ESR2: variants seen among roughly 807,000 people sequenced by gnomAD.
ESR2 encodes estrogen receptor 2.
Under a neutral mutation model 49.6 loss-of-function variants are expected in ESR2, and 36 were observed. That is an observed-to-expected ratio of 0.73 (90% CI 0.56 to 0.96). The LOEUF is 0.96. ESR2 is among the 40% of genes least tolerant of loss of function. The probability of loss-of-function intolerance (pLI) is 0.00; values close to 1 mark genes in which losing one functional copy is unlikely to be tolerated. For synonymous variants in ESR2, 320 were observed against 266.1 expected, an observed-to-expected ratio of 1.20 and a Z score of -1.97; for missense variants, 714 against 693.0, an observed-to-expected ratio of 1.03 and a Z score of -0.34.
At chr14:64,235,289 G>A in intron 7 of ESR2, 139 bp from the exon 8 acceptor site, 3 of 815,660 alleles carry the variant, frequency 3.7e-6, no homozygotes, top group South Asian at 3.7e-5. Flanking sequence ...TTATAAGCAT[G>A]GTCTTACCTC....
chr14:64,310,365 T>C (rs1381770422), intron 1 of ESR2, among the ~76,000 whole-genome samples: 1 of 151,510 alleles, frequency 6.6e-6, no homozygotes, highest in African/African-American at 2.4e-5. Context: ...ATAAGCTCAA[T>C]ATTGTCATCA....
chr14:64,274,371 C>T (rs2076514019), intron 3 of ESR2, among the ~76,000 whole-genome samples: 1 of 152,104 alleles, frequency 6.6e-6, no homozygotes. Context: ...TCCATTTCTT[C>T]TAGGTTTTCC....
rs1180738011 is a variant in ESR2, at chr14:64,229,014, G to A, written c.*4123C>T. Among the ~76,000 whole-genome samples, 1 of 152,208 alleles carries A rather than the reference G, an allele frequency of 6.6e-6. No individual in the cohort carries two copies. The highest frequency in any genetic ancestry group is 2.4e-5 in the African/African-American group (1 of 41,450). ...TGCCTAAAAGATGTGAATTTTACAT[G>A]AGTACACTTCCAAGGAACATATTCC... On this transcript the variant is annotated 3_prime_UTR_variant, in exon 9 of 9. Coordinates refer to ENST00000341099, the MANE Select transcript of ESR2 (RefSeq NM_001437.3).
downstream of ESR2, chr14:64,227,477 C>G (rs928554): frequency 6.4e-7 from 1 of 1,569,366 alleles, no homozygotes; most frequent in Non-Finnish European, 8.7e-7. Context: ...CAGAGGGAAA[C>G]TGAAGTGAAA....
chr14:64,246,728 C>A (rs1049927803), intron 7 of ESR2, among the ~76,000 whole-genome samples: 4 of 70,528 alleles, frequency 5.7e-5, no homozygotes, highest in Non-Finnish European at 8.7e-5. Context: ...CACAGGAAGA[C>A]TCTGTCAAAA....
At chr14:64,309,800 T>C (rs2140879398) in intron 1 of ESR2, among the ~76,000 whole-genome samples, 1 of 151,824 alleles carries the variant, frequency 6.6e-6, no homozygotes, top group African/African-American at 2.4e-5. Context: ...TGAAAGCTCG[T>C]CTCTGGCCAG....
chr14:64,235,005 G>T lies in ESR2; in HGVS notation c.1371C>A (p.Asn457Lys). Reference sequence around the variant, plus strand: ...TGACGTGGGACAGGAGCATCAGGAGGTTAGCCAGGCGCATGGATTGCTGCT... The same window carrying T: ...TGACGTGGGACAGGAGCATCAGGAGTTTAGCCAGGCGCATGGATTGCTGCT... Reference protein sequence around the residue: ...SSQQQSMRLANLLMLLSHVRH... With the variant: ...SSQQQSMRLAKLLMLLSHVRH... The change falls in exon 8 of 9, where the codon AAC becomes AAA. Residue 457 changes from asparagine (N) to lysine (K), a missense_variant. By Grantham distance (94) the Asn-to-Lys change is moderately conservative (BLOSUM62 0). Coordinates refer to ENST00000341099, the MANE Select transcript of ESR2 (RefSeq NM_001437.3). 6.2e-7 allele frequency: 1 copy of T among 1,614,210 alleles called. No homozygotes were observed. Among genetic ancestry groups the T allele is most frequent in the East Asian group, 2.2e-5 (1 of 44,888 alleles).
intron 7 of ESR2, among the ~76,000 whole-genome samples, chr14:64,238,580 G>T (rs2075655785): frequency 6.6e-6 from 1 of 152,044 alleles, no homozygotes; most frequent in African/African-American, 2.4e-5. Flanking sequence ...TACTTGCTAA[G>T]TGGCAGGCCC....
chr14:64,284,475 C>T (rs956022701), intron 1 of ESR2, among the ~76,000 whole-genome samples: 4 of 151,492 alleles, frequency 2.6e-5, no homozygotes, highest in Admixed American at 2.6e-4. Context: ...TACAGGCATA[C>T]ACCACCACAC....
intron 7 of ESR2, among the ~76,000 whole-genome samples, chr14:64,237,730 G>A (rs572526576): frequency 6.6e-6 from 1 of 152,216 alleles, no homozygotes; most frequent in Non-Finnish European, 1.5e-5. Context: ...TACTGATACA[G>A]ATGAACCTTG....
chr14:64,312,940 C>T (rs2077201938), intron 1 of ESR2, among the ~76,000 whole-genome samples: 1 of 151,692 alleles, frequency 6.6e-6, no homozygotes, highest in Non-Finnish European at 1.5e-5. Context: ...AATAAATACC[C>T]CAGTTAAAAG....
chr14:64,266,816 C>G (rs78151681), intron 4 of ESR2, among the ~76,000 whole-genome samples: 1,926 of 152,264 alleles, frequency 0.013, 40 homozygotes, highest in African/African-American at 0.044. Context: ...TTCCCCCAGT[C>G]TCACCCATAC....
Position 64,280,055 on chromosome 14 carries a change from T to A in ESR2, c.461A>T (p.Asp154Val). 6.2e-7 allele frequency: 1 copy of A among 1,614,152 alleles called. No individual in the cohort carries two copies. Among genetic ancestry groups the A allele is most frequent in the Non-Finnish European group, 8.5e-7 (1 of 1,179,974 alleles). The change falls in exon 3 of 9, where the codon GAT (aspartate) becomes GTT (valine). Residue 154 changes from aspartate to valine, a missense_variant. Transcript: ENST00000341099. ...TCCATAGTGATATCCCGATGCGTAATCGCTGCAGACAGCGCAGAAGTGAGC... is the reference window on the plus strand; with the variant it reads ...TCCATAGTGATATCCCGATGCGTAAACGCTGCAGACAGCGCAGAAGTGAGC... The part of the protein sequence containing the change: ...RDAHFCAVCS[D>V]YASGYHYGVW...
At chr14:64,322,749 A>C (rs1183030004) in intron 1 of ESR2, among the ~76,000 whole-genome samples, 1 of 152,216 alleles carries the variant, frequency 6.6e-6, no homozygotes, top group Non-Finnish European at 1.5e-5. Context: ...AATTTAAAAT[A>C]CGCACTGTGA....
At chr14:64,268,056 G>C (rs561293809) in intron 4 of ESR2, among the ~76,000 whole-genome samples, 2 of 152,302 alleles carry the variant, frequency 1.3e-5, no homozygotes, top group South Asian at 4.2e-4. Context: ...AGTGAGTACA[G>C]ACAAGTGAAC....
At chr14:64,257,952 C>T (rs181105320) in intron 5 of ESR2, among the ~76,000 whole-genome samples, 75 of 152,278 alleles carry the variant, frequency 4.9e-4, no homozygotes, top group African/African-American at 1.6e-3. Flanking sequence ...TATAGCCAAG[C>T]ACACCTGTAA....
rs911726841 is a variant in ESR2 at position 64,282,669 on chromosome 14, G to C, written c.317C>G (p.Pro106Arg). ...SHLYAEPQKSPWCEARSLEHT... is the reference protein window; with the variant it reads ...SHLYAEPQKSRWCEARSLEHT... ...TTCTAGCGATCTTGCTTCACACCAGGGACTCTTTTGAGGTTCCGCATACAG... is the reference window on the plus strand; with the variant it reads ...TTCTAGCGATCTTGCTTCACACCAGCGACTCTTTTGAGGTTCCGCATACAG... The change falls in exon 2 of 9, where the codon CCC (proline) becomes CGC (arginine). Residue 106 changes from proline to arginine, a missense_variant. Pro to Arg is a moderately radical substitution (Grantham distance 103, BLOSUM62 -2). Coordinates refer to ENST00000341099, the MANE Select transcript of ESR2 (RefSeq NM_001437.3). 6.2e-7 allele frequency: 1 copy of C among 1,611,864 alleles called. No homozygotes were observed.
intron 3 of ESR2, among the ~76,000 whole-genome samples, chr14:64,274,649 TG>T: frequency 6.6e-6 from 1 of 152,278 alleles, no homozygotes; most frequent in South Asian, 2.1e-4. Context: ...CTATTAATTT[TG>T]GGTTTGGCTT....
At chr14:64,240,919 C>T (rs1052732315) in intron 7 of ESR2, among the ~76,000 whole-genome samples, 1 of 151,656 alleles carries the variant, frequency 6.6e-6, no homozygotes, top group African/African-American at 2.4e-5. Flanking sequence ...CCGAGGCGGG[C>T]GGATCACGAG....
Sources: gnomAD v4.1 joint callset for allele counts (sites outside exome capture counted in the v4.1 genomes callset) on GRCh38, gnomAD v4.1.1 for gene constraint, MANE v1.5 for transcripts, NCBI Gene and HGNC (gene_info 2026-07-23, HGNC 2026-07-21) for gene names.